ANO4: variants seen among roughly 807,000 people sequenced by gnomAD.
The protein encoded by ANO4 is anoctamin 4.
Under a neutral mutation model 141.9 loss-of-function variants are expected in ANO4, and 69 were observed. The observed-to-expected ratio is 0.49, with a 90% CI of 0.40 to 0.59. ANO4 has a LOEUF of 0.59. Ranked by LOEUF, ANO4 falls within the 20% of genes least tolerant of loss-of-function variation. The pLI, the probability that ANO4 is intolerant of heterozygous loss-of-function variation, is 0.00. For missense variants in ANO4, 894 were observed against 1,162.2 expected (o/e 0.77, Z 3.36); for synonymous variants, 350 against 394.3 (o/e 0.89, Z 1.33).
intron 14 of ANO4, among the ~76,000 whole-genome samples, chr12:101,056,435 A>G (rs757611726): frequency 8.7e-4 from 132 of 152,156 alleles, no homozygotes; most frequent in Non-Finnish European, 1.3e-3. Context: ...ACTTTTGTAT[A>G]TTGACCATAT....
intron 7 of ANO4, among the ~76,000 whole-genome samples, chr12:100,981,756 G>A (rs2136311990): frequency 6.6e-6 from 1 of 152,298 alleles, no homozygotes; most frequent in African/African-American, 2.4e-5. Context: ...TATGCCCACA[G>A]CATGCAGGTT....
At chr12:101,010,023 T>G (rs1213097673) in intron 8 of ANO4, among the ~76,000 whole-genome samples, 1 of 152,158 alleles carries the variant, frequency 6.6e-6, no homozygotes, top group Non-Finnish European at 1.5e-5. Flanking sequence ...GTATAAATAT[T>G]ATTGTTCTTG....
intron 7 of ANO4, among the ~76,000 whole-genome samples, chr12:100,979,895 CTT>C (rs71091474): frequency 1.4e-4 from 17 of 119,396 alleles, no homozygotes; most frequent in East Asian, 7.4e-4. Flanking sequence ...GCCCAGCTGA[CTT>C]TTTTTTTTTT....
At chr12:100,975,669 G>C (rs1323649669) in intron 7 of ANO4, among the ~76,000 whole-genome samples, 1 of 151,844 alleles carries the variant, frequency 6.6e-6, no homozygotes, top group African/African-American at 2.4e-5. Context: ...TCGAACTCCT[G>C]ACCTCAGGCG....
chr12:100,816,169 A>G (rs75293509), intron 1 of ANO4, among the ~76,000 whole-genome samples: 4,639 of 152,166 alleles, frequency 0.03, 249 homozygotes, highest in African/African-American at 0.11. Context: ...ATTTAAAATG[A>G]CTGTAGTGAA....
intron 3 of ANO4, among the ~76,000 whole-genome samples, chr12:100,759,910 T>C (rs550348005): frequency 6.6e-6 from 1 of 152,320 alleles, no homozygotes; most frequent in East Asian, 1.9e-4. Flanking sequence ...TTCTTTTTAT[T>C]TATGTAAACA....
intron 1 of ANO4, among the ~76,000 whole-genome samples, chr12:100,814,931 C>T (rs2035646163): frequency 6.6e-6 from 1 of 152,054 alleles, no homozygotes; most frequent in Non-Finnish European, 1.5e-5. Flanking sequence ...GGAGAGGGGG[C>T]TGCAGGGAGA....
chr12:100,968,089 G>A (rs1239242597), intron 5 of ANO4, among the ~76,000 whole-genome samples: 1 of 151,832 alleles, frequency 6.6e-6, no homozygotes, highest in African/African-American at 2.4e-5. Flanking sequence ...TGCAAAACAT[G>A]AAAAATAATA....
intron 14 of ANO4, among the ~76,000 whole-genome samples, chr12:101,077,533 C>A (rs2049069464): frequency 6.6e-6 from 1 of 152,128 alleles, no homozygotes; most frequent in African/African-American, 2.4e-5. Flanking sequence ...GTTTTAATTT[C>A]TATCTTCCAG....
intron 10 of ANO4, among the ~76,000 whole-genome samples, 159 bp from the exon 11 acceptor site, chr12:101,039,796 A>C (rs979695729): frequency 6.6e-6 from 1 of 152,168 alleles, no homozygotes; most frequent in African/African-American, 2.4e-5. Flanking sequence ...CAATGTCCAG[A>C]ATAACTCATC....
At chr12:101,104,632 T>C (rs2050355139) in intron 22 of ANO4, among the ~76,000 whole-genome samples, 2 of 47,462 alleles carry the variant, frequency 4.2e-5, no homozygotes, top group Admixed American at 2.0e-4. Flanking sequence ...TGTGTGTATA[T>C]ATATATATAT....
rs59111306 is a variant in ANO4 at position 100,956,518 on chromosome 12, T to C, written c.456+13983T>C. On this transcript the variant is annotated intron_variant, in intron 5 of 27. Coordinates refer to ENST00000392977, the MANE Select transcript of ANO4 (RefSeq NM_001286615.2). Reference sequence around the variant, plus strand: ...CTTGTGCCCATTAGAGTTTCAGAAGTGCATTATGTCGCCTCTTGGGGACTC... The same window carrying C: ...CTTGTGCCCATTAGAGTTTCAGAAGCGCATTATGTCGCCTCTTGGGGACTC... 6.6e-4 allele frequency among the ~76,000 whole-genome samples: 100 copies of C among 152,310 alleles called. 1 individual carries two copies. In the East Asian group the frequency reaches 0.016, roughly 25 times the overall value.
At chr12:101,107,886 G>A (rs1419667388) in intron 22 of ANO4, among the ~76,000 whole-genome samples, 3 of 152,190 alleles carry the variant, frequency 2.0e-5, no homozygotes, top group African/African-American at 7.2e-5. Flanking sequence ...AGTGGGGACA[G>A]TGGAGAGGAG....
intron 24 of ANO4, among the ~76,000 whole-genome samples, chr12:101,115,701 GT>G (rs1241791548): frequency 6.6e-6 from 1 of 152,198 alleles, no homozygotes; most frequent in African/African-American, 2.4e-5. Flanking sequence ...GAGAAAAGAT[GT>G]TTCTAAGAGT....
intron 22 of ANO4, among the ~76,000 whole-genome samples, chr12:101,107,491 G>GTA (rs1566258826): frequency 6.6e-6 from 1 of 152,084 alleles, no homozygotes; most frequent in Non-Finnish European, 1.5e-5. Context: ...ACTCAAGAGG[G>GTA]TATATTTGAG....
chr12:100,941,752 T>C (rs2042521121), intron 4 of ANO4, among the ~76,000 whole-genome samples: 1 of 152,012 alleles, frequency 6.6e-6, no homozygotes, highest in Admixed American at 6.6e-5. Context: ...GTTAATGTGT[T>C]TTCCAGAGTG....
intron 5 of ANO4, among the ~76,000 whole-genome samples, chr12:100,963,386 G>A (rs981537201): frequency 9.2e-5 from 14 of 152,188 alleles, no homozygotes; most frequent in South Asian, 2.1e-4. Flanking sequence ...CCAATTTCTT[G>A]TTGCTGTTAC....
chr12:101,031,316 C>T (rs1363022848), intron 9 of ANO4, among the ~76,000 whole-genome samples: 1 of 152,108 alleles, frequency 6.6e-6, no homozygotes, highest in Non-Finnish European at 1.5e-5. Context: ...CTCACATAAA[C>T]GGAACCAAAG....
chr12:100,750,298 A>AT (rs1174885460), intron 3 of ANO4, among the ~76,000 whole-genome samples: 6,933 of 135,350 alleles, frequency 0.051, 460 homozygotes, highest in African/African-American at 0.16. Flanking sequence ...CACCTGGCTA[A>AT]TTTTTTTTTT....
Sources: allele counts gnomAD v4.1 joint callset (sites outside exome capture counted in the v4.1 genomes callset), GRCh38; gene constraint gnomAD v4.1.1; transcripts MANE v1.5; gene names NCBI Gene and HGNC (gene_info 2026-07-23, HGNC 2026-07-21).